Variants in FAAH2 observed in about 807,000 individuals in gnomAD.
FAAH2 encodes fatty-acid amide hydrolase 2.
A neutral mutation model predicts 36.9 loss-of-function variants in FAAH2; 60 were observed. The observed-to-expected ratio is 1.63, with a 90% CI of 1.32 to 2.02. The LOEUF (loss-of-function observed/expected upper bound fraction) is 2.02, where lower values mean the gene tolerates loss of function less well. Ranked by LOEUF, FAAH2 falls within the 30% of genes most tolerant of loss-of-function variation. The pLI is 0.00. For missense variants in FAAH2, 689 were observed against 397.5 expected (o/e 1.73, Z -6.23); for synonymous variants, 214 against 143.8 (o/e 1.49, Z -3.49).
At chrX:57,255,189 A>G in the FAAH2 span, among the ~76,000 whole-genome samples, 2 of 112,058 alleles carry the variant, frequency 1.8e-5, no homozygotes, top group African/African-American at 6.5e-5. Flanking sequence ...AAATGGATCA[A>G]TTTCTGGACA....
chrX:57,388,397 A>G (rs920189227), intron 7 of FAAH2, among the ~76,000 whole-genome samples: 1 of 111,211 alleles, frequency 9.0e-6, no homozygotes. Context: ...TATCATTTCT[A>G]TATTTCCTAG....
chrX:57,201,159 A>C, the FAAH2 span, among the ~76,000 whole-genome samples: 2 of 109,148 alleles, frequency 1.8e-5, no homozygotes, highest in South Asian at 4.0e-4. Flanking sequence ...ACGGTGGCTC[A>C]TGCCTGTAAT....
chrX:57,261,170 C>T, the FAAH2 span, among the ~76,000 whole-genome samples: 2 of 111,431 alleles, frequency 1.8e-5, no homozygotes, highest in East Asian at 5.6e-4. Context: ...AATAAATTTT[C>T]GTAGACCCAT....
At chrX:57,123,054 CA>C in the FAAH2 span, among the ~76,000 whole-genome samples, 1 of 110,655 alleles carries the variant, frequency 9.0e-6, no homozygotes, top group African/African-American at 3.3e-5. Flanking sequence ...GCACAATGTG[CA>C]GGTTAGTTAC....
chrX:57,270,248 C>A, the FAAH2 span, among the ~76,000 whole-genome samples: 1 of 111,265 alleles, frequency 9.0e-6, no homozygotes, highest in Middle Eastern at 4.7e-3. Context: ...CAATAAAAGC[C>A]CAAGACCAGA....
chrX:57,450,696 T>C (rs1478686035), intron 10 of FAAH2, among the ~76,000 whole-genome samples: 2 of 111,319 alleles, frequency 1.8e-5, no homozygotes, highest in Non-Finnish European at 3.8e-5. Context: ...ACTTACAAGA[T>C]GGGTACACTA....
chrX:57,365,442 G>A (rs905475135), intron 5 of FAAH2, among the ~76,000 whole-genome samples: 1 of 111,516 alleles, frequency 9.0e-6, no homozygotes, highest in Admixed American at 9.5e-5. Flanking sequence ...GCCTGATGGG[G>A]TTCCATTTGT....
the FAAH2 span, among the ~76,000 whole-genome samples, chrX:57,206,633 C>A: frequency 8.9e-6 from 1 of 112,336 alleles, no homozygotes; most frequent in African/African-American, 3.2e-5. Context: ...TAGCAGGCTG[C>A]AGGTTGTTTA....
the FAAH2 span, among the ~76,000 whole-genome samples, chrX:57,255,742 C>G: frequency 1.8e-5 from 2 of 111,998 alleles, no homozygotes; most frequent in Non-Finnish European, 3.8e-5. Flanking sequence ...ATGCTAACAA[C>G]TCTCAATAAA....
intron 8 of FAAH2, among the ~76,000 whole-genome samples, chrX:57,441,495 C>A (rs1602676448): frequency 9.1e-6 from 1 of 109,572 alleles, no homozygotes; most frequent in Admixed American, 9.8e-5. Flanking sequence ...TCTCTCTTTT[C>A]TTCTTTATTA....
the FAAH2 span, among the ~76,000 whole-genome samples, chrX:57,162,336 T>G: frequency 4.5e-5 from 5 of 111,202 alleles, no homozygotes; most frequent in Admixed American, 9.6e-5. Context: ...ACAATTATGT[T>G]TCTTGGAGTT....
At chrX:57,458,716 C>A (rs967000343) in intron 10 of FAAH2, among the ~76,000 whole-genome samples, 1 of 111,504 alleles carries the variant, frequency 9.0e-6, no homozygotes, top group Non-Finnish European at 1.9e-5. Context: ...TTGCCTTACC[C>A]GGGAAGTGCA....
chrX:57,165,756 A>G, the FAAH2 span, among the ~76,000 whole-genome samples: 1 of 111,589 alleles, frequency 9.0e-6, no homozygotes, highest in Non-Finnish European at 1.9e-5. Flanking sequence ...CAAGCTGAGC[A>G]TGTATAATGG....
At chrX:57,357,372 G>T (rs1011855928) in intron 5 of FAAH2, among the ~76,000 whole-genome samples, 3 of 111,603 alleles carry the variant, frequency 2.7e-5, no homozygotes, top group Non-Finnish European at 5.7e-5. Context: ...CACAGCAAAA[G>T]AAACTATCAT....
chrX:57,427,815 T>C (rs1444227188), intron 7 of FAAH2, among the ~76,000 whole-genome samples: 1 of 98,890 alleles, frequency 1.0e-5, no homozygotes, highest in East Asian at 3.3e-4. Flanking sequence ...TGGGGAAAAG[T>C]TGAAAGCATT....
chrX:57,466,473 G>T (rs2057053331), intron 10 of FAAH2, among the ~76,000 whole-genome samples: 1 of 14,109 alleles, frequency 7.1e-5, no homozygotes, highest in East Asian at 0.011. Flanking sequence ...GTATGTAAAA[G>T]AGGAACAGAA....
chrX:57,262,155 C>T, the FAAH2 span, among the ~76,000 whole-genome samples: 125 of 110,958 alleles, frequency 1.1e-3, no homozygotes, highest in Middle Eastern at 0.014. Context: ...TAAAAAGACT[C>T]CTAAAGGTGA....
chrX:57,400,310 C>A (rs1300186745), intron 7 of FAAH2, among the ~76,000 whole-genome samples: 2 of 112,351 alleles, frequency 1.8e-5, no homozygotes, highest in Non-Finnish European at 3.8e-5. Context: ...GCTGCCACTA[C>A]CCATAAATAA....
intron 2 of FAAH2, among the ~76,000 whole-genome samples, chrX:57,307,795 C>A (rs2052583540): frequency 9.0e-6 from 1 of 110,957 alleles, no homozygotes; most frequent in Non-Finnish European, 1.9e-5. Flanking sequence ...TCACACACTT[C>A]CGCATCTGTT....
Sources: gnomAD v4.1 joint callset for allele counts (sites outside exome capture counted in the v4.1 genomes callset) on GRCh38, gnomAD v4.1.1 for gene constraint, MANE v1.5 for transcripts, NCBI Gene and HGNC (gene_info 2026-07-23, HGNC 2026-07-21) for gene names.